Variants in SMYD3 observed in about 807,000 individuals in gnomAD.
SMYD3 encodes the protein histone-lysine N-methyltransferase SMYD3.
SMYD3 carries 36 observed loss-of-function variants against 57.7 expected under a neutral mutation model. The observed-to-expected ratio is 0.62, with a 90% CI of 0.48 to 0.82. The LOEUF is 0.82. SMYD3 is among the 40% of genes least tolerant of loss of function. The pLI is 0.00. For missense variants in SMYD3, 515 were observed against 538.8 expected (o/e 0.96, Z 0.44); for synonymous variants, 211 against 195.0 (o/e 1.08, Z -0.68).
At chr1:246,387,453 T>G (rs2066503996) in intron 1 of SMYD3, among the ~76,000 whole-genome samples, 1 of 152,218 alleles carries the variant, frequency 6.6e-6, no homozygotes, top group South Asian at 2.1e-4. Flanking sequence ...AAATGCCAGT[T>G]TAACATTTAT....
intron 1 of SMYD3, among the ~76,000 whole-genome samples, chr1:246,440,509 A>T (rs1482831610): frequency 6.6e-6 from 1 of 152,224 alleles, no homozygotes; most frequent in African/African-American, 2.4e-5. Context: ...TCATGACAGT[A>T]TATTTTTTTA....
At chr1:245,848,226 TCTGAGTAGCTGGAA>T (rs2050764687) in intron 10 of SMYD3, among the ~76,000 whole-genome samples, 1 of 151,786 alleles carries the variant, frequency 6.6e-6, no homozygotes, top group South Asian at 2.1e-4. Flanking sequence ...CACCTCAGCC[TCTGAGTAGCTGGAA>T]CTATAGGCTT....
chr1:246,341,901 T>C (rs1420991859), intron 2 of SMYD3, among the ~76,000 whole-genome samples: 3 of 152,190 alleles, frequency 2.0e-5, no homozygotes, highest in Non-Finnish European at 2.9e-5. Flanking sequence ...GAACCTTGGA[T>C]TGGGTAAAAT....
intron 5 of SMYD3, among the ~76,000 whole-genome samples, chr1:245,964,306 G>A (rs1386904189): frequency 6.6e-6 from 1 of 152,142 alleles, no homozygotes; most frequent in Admixed American, 6.5e-5. Context: ...AACACTGGGG[G>A]TCATATTTCA....
chr1:246,050,453 G>C (rs914128184), intron 5 of SMYD3, among the ~76,000 whole-genome samples: 1 of 152,156 alleles, frequency 6.6e-6, no homozygotes, highest in Non-Finnish European at 1.5e-5. Flanking sequence ...AATAATATAA[G>C]GTAGTCTGCC....
intron 5 of SMYD3, among the ~76,000 whole-genome samples, chr1:245,944,587 T>C (rs1262111249): frequency 2.0e-5 from 3 of 152,194 alleles, no homozygotes; most frequent in Non-Finnish European, 4.4e-5. Flanking sequence ...ATAGATTCAA[T>C]GCTATTCCCA....
chr1:246,307,740 G>T (rs1046942100), intron 5 of SMYD3, among the ~76,000 whole-genome samples: 6 of 152,012 alleles, frequency 3.9e-5, no homozygotes, highest in Non-Finnish European at 7.4e-5. Context: ...TTCTTATCAG[G>T]AAGAGAAAGC....
chr1:246,317,372 C>A (rs1050702673), intron 5 of SMYD3, among the ~76,000 whole-genome samples: 1 of 152,242 alleles, frequency 6.6e-6, no homozygotes, highest in Admixed American at 6.5e-5. Flanking sequence ...GTGCAAAAAA[C>A]CTTCCAGCTT....
chr1:245,936,952 T>C (rs2057010757), intron 5 of SMYD3, among the ~76,000 whole-genome samples: 1 of 152,254 alleles, frequency 6.6e-6, no homozygotes, highest in South Asian at 2.1e-4. Context: ...TAAAAATTTG[T>C]CTTTATATGC....
intron 5 of SMYD3, among the ~76,000 whole-genome samples, chr1:245,989,800 T>G (rs576781317): frequency 6.6e-6 from 1 of 152,240 alleles, no homozygotes; most frequent in African/African-American, 2.4e-5. Context: ...TTTTCCAATC[T>G]TATTAAACTT....
chr1:246,167,431 T>TCATCAC (rs2062235925), intron 5 of SMYD3, among the ~76,000 whole-genome samples: 2 of 152,120 alleles, frequency 1.3e-5, no homozygotes, highest in Non-Finnish European at 2.9e-5. Flanking sequence ...TCCATTTTAC[T>TCATCAC]GATCACGGCC....
intron 5 of SMYD3, among the ~76,000 whole-genome samples, chr1:246,084,023 T>G (rs2060685843): frequency 6.6e-6 from 1 of 152,142 alleles, no homozygotes; most frequent in African/African-American, 2.4e-5. Flanking sequence ...TTTTTAATAC[T>G]GTAGTATTGT....
chr1:246,027,526 CT>C (rs2059597002), intron 5 of SMYD3, among the ~76,000 whole-genome samples: 1 of 152,172 alleles, frequency 6.6e-6, no homozygotes, highest in Non-Finnish European at 1.5e-5. Context: ...TAAATCTGTA[CT>C]GCCCATGTTC....
At chr1:246,451,506 C>G (rs2067631812) in intron 1 of SMYD3, among the ~76,000 whole-genome samples, 1 of 152,106 alleles carries the variant, frequency 6.6e-6, no homozygotes. Context: ...ATATGTAGGG[C>G]ACAGGGGATT....
intron 10 of SMYD3, among the ~76,000 whole-genome samples, chr1:245,836,282 G>A (rs898446030): frequency 3.3e-5 from 5 of 152,202 alleles, no homozygotes; most frequent in Admixed American, 3.3e-4. Flanking sequence ...TTGAGCTGAG[G>A]AGAAACTGAA....
At chr1:246,297,974 T>C (rs1297922088) in intron 5 of SMYD3, among the ~76,000 whole-genome samples, 2 of 152,166 alleles carry the variant, frequency 1.3e-5, no homozygotes, top group Non-Finnish European at 2.9e-5. Context: ...AGAGTGCTTT[T>C]CAGTATGATG....
intron 5 of SMYD3, among the ~76,000 whole-genome samples, chr1:245,980,898 G>T (rs1338217268): frequency 2.0e-5 from 3 of 152,144 alleles, no homozygotes; most frequent in Non-Finnish European, 4.4e-5. Context: ...AAGTTTTGTT[G>T]GTACTCGTCC....
rs1201404566 is a variant in SMYD3, at chr1:246,092,444, C to CA, written c.532-162508dup. 2.0e-5 allele frequency among the ~76,000 whole-genome samples: 3 copies of CA among 152,166 alleles called. No homozygotes were observed. In the East Asian group the frequency reaches 5.8e-4, roughly 29 times the overall value. ...GGCCAGTGGAATAGAACAGAGAATCCAAAAACAAATCTGCACATTTACGGT... is the reference window on the plus strand; with the variant it reads ...GGCCAGTGGAATAGAACAGAGAATCCAAAAAACAAATCTGCACATTTACGGT... On this transcript the variant is annotated intron_variant, in intron 5 of 11. Transcript: ENST00000490107.
chr1:246,038,346 T>G (rs936560944), intron 5 of SMYD3, among the ~76,000 whole-genome samples: 4 of 152,246 alleles, frequency 2.6e-5, no homozygotes, highest in South Asian at 2.1e-4. Flanking sequence ...CAGACCATGC[T>G]ACCACCAAGA....
Sources: gnomAD v4.1 joint callset for allele counts (sites outside exome capture counted in the v4.1 genomes callset) on GRCh38, gnomAD v4.1.1 for gene constraint, MANE v1.5 for transcripts, NCBI Gene and HGNC (gene_info 2026-07-23, HGNC 2026-07-21) for gene names.